The following RPS6KA2 variants were observed in gnomAD, a reference collection of about 807,000 sequenced individuals.
The protein encoded by RPS6KA2 is ribosomal protein S6 kinase A2, also known as ribosomal protein S6 kinase alpha-2.
RPS6KA2 carries 42 observed loss-of-function variants against 91.8 expected under a neutral mutation model. The ratio of observed to expected loss-of-function variants is 0.46; its 90% CI spans 0.36 to 0.59. The LOEUF (loss-of-function observed/expected upper bound fraction) is 0.59. Ranked by LOEUF, RPS6KA2 falls within the 20% of genes least tolerant of loss-of-function variation. The pLI is 0.00. For missense variants in RPS6KA2, 798 were observed against 978.5 expected (o/e 0.82, Z 2.46); for synonymous variants, 414 against 393.6 (o/e 1.05, Z -0.61).
intron 2 of RPS6KA2, among the ~76,000 whole-genome samples, chr6:166,831,815 TGATA>T (rs1011476742): frequency 4.0e-5 from 6 of 150,746 alleles, no homozygotes; most frequent in Non-Finnish European, 7.4e-5. Flanking sequence ...GATAGATAGA[TGATA>T]GATAGTAGAC....
Position 166,550,813 on chromosome 6 carries a change from T to C in RPS6KA2, c.100-12029A>G, listed in dbSNP as rs182789551. ...GTCAGGAGATCGACACCATCCTGGC[T>C]AACACGGTGAAACCCCGTCTCTACT... On this transcript the variant is annotated intron_variant, in intron 1 of 20. Transcript: ENST00000265678. Among the ~76,000 whole-genome samples, 543 of 152,012 alleles carry C rather than the reference T, an allele frequency of 3.6e-3. 3 individuals are homozygous for C. The highest frequency in any genetic ancestry group is 0.01 in the Middle Eastern group (3 of 294).
At chr6:166,649,974 A>G (rs1459063386) in intron 2 of RPS6KA2, among the ~76,000 whole-genome samples, 1 of 152,118 alleles carries the variant, frequency 6.6e-6, no homozygotes, top group Non-Finnish European at 1.5e-5. Flanking sequence ...GGTAGAGAGA[A>G]GTAGTCTCTG....
Position 166,798,026 on chromosome 6 carries a change from T to C in RPS6KA2, c.123+60174A>G, listed in dbSNP as rs114913691. ...AGAAAAATGGCACCCGAATCATCGA[T>C]GTCACTACCGTTGGTTGGTCAGGTA... On this transcript the variant is annotated intron_variant, in intron 2 of 21. Transcript: ENST00000503859. 9.4e-3 allele frequency among the ~76,000 whole-genome samples: 1,430 copies of C among 152,310 alleles called. 21 individuals carry two copies. Among genetic ancestry groups the C allele is most frequent in the African/African-American group, 0.033 (1,360 of 41,558 alleles).
chr6:166,635,563 G>A lies in RPS6KA2; in HGVS notation c.124-96779C>T, dbSNP rs1387840929. ...AAGGCCAGTGAGAGCATGGTCCTGA[G>A]GAGGTTCATTTGGCTGCTGTGTGAG... On this transcript the variant is annotated intron_variant, in intron 2 of 21. Coordinates refer to the RPS6KA2 transcript ENST00000503859. This position sits in a 1 kb window ranked among gnomAD's most constrained non-coding sequence, Gnocchi z 4.8. 2.0e-5 allele frequency among the ~76,000 whole-genome samples: 3 copies of A among 152,230 alleles called. No individual in the cohort carries two copies. Among genetic ancestry groups the A allele is most frequent in the Non-Finnish European group, 4.4e-5 (3 of 68,038 alleles).
intron 8 of RPS6KA2, among the ~76,000 whole-genome samples, chr6:166,491,238 A>AAG (rs1781577287): frequency 1.3e-5 from 2 of 152,216 alleles, no homozygotes; most frequent in African/African-American, 2.4e-5. Context: ...GCCTCTGACG[A>AAG]GGACAATATG....
intron 2 of RPS6KA2, chr6:166,701,912 G>A (rs1789532709): frequency 1.8e-6 from 2 of 1,111,828 alleles, no homozygotes; most frequent in African/African-American, 3.1e-5. Flanking sequence ...TTTAGTGTCT[G>A]TGTCTTGCTC....
chr6:166,514,106 C>T (rs553835493), intron 3 of RPS6KA2, among the ~76,000 whole-genome samples: 2 of 152,276 alleles, frequency 1.3e-5, no homozygotes, highest in South Asian at 4.1e-4. Context: ...AAGGTAGGCT[C>T]GGTCTTCCTA....
In RPS6KA2 at chr6:166,419,777, A is replaced by T; in HGVS notation, c.1820+105T>A. On this transcript the variant is annotated intron_variant, in intron 18 of 20. Transcript: ENST00000265678. The surrounding 1 kb of genome is among the most constrained non-coding windows in gnomAD (Gnocchi z 5.6). ...GTTTGCATACACGTTGGGTTTGCCCACATGCGCACACTAGGACAGGGCTGG... is the reference window on the plus strand; with the variant it reads ...GTTTGCATACACGTTGGGTTTGCCCTCATGCGCACACTAGGACAGGGCTGG... 1.0e-6 allele frequency: 1 copy of T among 998,486 alleles called. No individual in the cohort carries two copies. The highest frequency in any genetic ancestry group is 2.4e-5 in the East Asian group (1 of 40,928). The allele number at this position is 998,486 out of a possible 1,614,324, so 61.9% of individuals were successfully genotyped here.
chr6:166,764,881 T>C (rs1342838174), intron 2 of RPS6KA2, among the ~76,000 whole-genome samples: 1 of 151,280 alleles, frequency 6.6e-6, no homozygotes, highest in African/African-American at 2.5e-5. Context: ...TTCACACACA[T>C]GTGTATCAAC....
At chr6:166,723,543 G>A (rs1303516085) in intron 2 of RPS6KA2, among the ~76,000 whole-genome samples, 1 of 152,218 alleles carries the variant, frequency 6.6e-6, no homozygotes. Flanking sequence ...GTGGCAGCCA[G>A]GATCTAATAA....
intron 2 of RPS6KA2, among the ~76,000 whole-genome samples, chr6:166,840,751 C>T (rs547478909): frequency 2.0e-5 from 3 of 152,178 alleles, no homozygotes; most frequent in East Asian, 1.9e-4. Context: ...CACCTGAGGT[C>T]GGGAGTTCGA....
chr6:166,758,252 AC>A (rs201704298), intron 2 of RPS6KA2, among the ~76,000 whole-genome samples: 1,824 of 152,306 alleles, frequency 0.012, 38 homozygotes, highest in African/African-American at 0.042. Flanking sequence ...GGATGTCATC[AC>A]CCTGTATTAC....
At chr6:166,841,945 A>C (rs10806865) in intron 2 of RPS6KA2, among the ~76,000 whole-genome samples, 86,494 of 151,682 alleles carry the variant, frequency 0.57, 25,747 homozygotes, top group Middle Eastern at 0.74. Flanking sequence ...GGTCACCGTG[A>C]TTCTGGTGCC....
Position 166,770,827 on chromosome 6 carries a change from C to T in RPS6KA2, c.123+87373G>A. 1 of 1,555,078 alleles carries T rather than the reference C, an allele frequency of 6.4e-7. No homozygotes were observed. Among genetic ancestry groups the T allele is most frequent in the Non-Finnish European group, 8.6e-7 (1 of 1,162,322 alleles). On this transcript the variant is annotated intron_variant, in intron 2 of 21. Coordinates refer to the RPS6KA2 transcript ENST00000503859. This position sits in a 1 kb window ranked among gnomAD's most constrained non-coding sequence, Gnocchi z 5.1. ...AAAAAAAAAATGTAACTCACATAAG[C>T]ATGGAAAAAAACAAACCCACAGGAA...
rs1240890739 is a variant in RPS6KA2 at position 166,666,843 on chromosome 6, C to T, written c.124-128059G>A. Among the ~76,000 whole-genome samples, 1 of 152,190 alleles carries T rather than the reference C, an allele frequency of 6.6e-6. No individual in the cohort carries two copies. The highest frequency in any genetic ancestry group is 1.5e-5 in the Non-Finnish European group (1 of 68,040). The stretch of plus-strand genomic sequence containing the variant: ...CTCACATTCATAGCAGCATCATTCA[C>T]AGTAGCCAAAAGATGGAAGCAACCT... On this transcript the variant is annotated intron_variant, in intron 2 of 21. Coordinates refer to the RPS6KA2 transcript ENST00000503859. This position sits in a 1 kb window ranked among gnomAD's most constrained non-coding sequence, Gnocchi z 4.0.
At chr6:166,682,813 A>G (rs76711557) in intron 2 of RPS6KA2, among the ~76,000 whole-genome samples, 1 of 152,134 alleles carries the variant, frequency 6.6e-6, no homozygotes, top group East Asian at 1.9e-4. Context: ...CACCTACCTC[A>G]GTAAAGAGAC....
At chr6:166,755,427 G>A (rs1777982717) in intron 2 of RPS6KA2, among the ~76,000 whole-genome samples, 1 of 152,004 alleles carries the variant, frequency 6.6e-6, no homozygotes, top group South Asian at 2.1e-4. Flanking sequence ...TTTCTTACAG[G>A]GCTCGGAACA....
chr6:166,485,553 G>C (rs948378648), intron 10 of RPS6KA2, among the ~76,000 whole-genome samples: 2 of 152,146 alleles, frequency 1.3e-5, no homozygotes, highest in Non-Finnish European at 2.9e-5. Flanking sequence ...TCACAATCTG[G>C]AAGACTCAGA....
chr6:166,421,171 CTG>C (rs1778706335), intron 17 of RPS6KA2, among the ~76,000 whole-genome samples: 1 of 152,292 alleles, frequency 6.6e-6, no homozygotes, highest in South Asian at 2.1e-4. Flanking sequence ...CTTTCTGACT[CTG>C]TGAAACATGG....
Sources: allele counts gnomAD v4.1 joint callset (sites outside exome capture counted in the v4.1 genomes callset), GRCh38; gene constraint gnomAD v4.1.1; non-coding constraint Gnocchi (gnomAD v3.1); transcripts MANE v1.5; gene names NCBI Gene and HGNC (gene_info 2026-07-23, HGNC 2026-07-21).